Variants in VAMP8 observed in about 807,000 individuals in gnomAD.
The protein encoded by VAMP8 is vesicle associated membrane protein 8.
In VAMP8, 9 loss-of-function variants were observed where a neutral mutation model predicts 11.4. The ratio of observed to expected loss-of-function variants is 0.79; its 90% CI spans 0.48 to 1.38. The LOEUF (loss-of-function observed/expected upper bound fraction) is 1.38, where lower values mean the gene tolerates loss of function less well. Among genes scored for constraint, VAMP8 ranks in the 40% most tolerant of loss-of-function variants. The pLI is 0.00. For synonymous variants in VAMP8, 42 were observed against 44.7 expected, an observed-to-expected ratio of 0.94 and a Z score of 0.24; for missense variants, 108 against 127.8, an observed-to-expected ratio of 0.85 and a Z score of 0.75.
chr2:85,579,258 T>C (rs555353141), intron 2 of VAMP8, 91 bp downstream of exon 2: 1 of 1,399,076 alleles, frequency 7.1e-7, no homozygotes, highest in South Asian at 1.5e-5. Context: ...GGGCCAGAAG[T>C]TTGACATTTC....
At chr2:85,581,043 G>A (rs763636654) in intron 2 of VAMP8, among the ~76,000 whole-genome samples, 3 of 152,162 alleles carry the variant, frequency 2.0e-5, no homozygotes, top group East Asian at 3.9e-4. Flanking sequence ...TGAGCTGAAC[G>A]TGGTGGCATG....
chr2:85,581,467 A>C, intron 2 of VAMP8, 109 bp from the exon 3 acceptor site: 1 of 1,359,986 alleles, frequency 7.4e-7, no homozygotes, highest in Non-Finnish European at 9.8e-7. Context: ...GCGAGACTCC[A>C]TCTCAAAAAA....
At chr2:85,581,261 CCT>C (rs1672373260) in intron 2 of VAMP8, among the ~76,000 whole-genome samples, 1 of 150,420 alleles carries the variant, frequency 6.6e-6, no homozygotes, top group Non-Finnish European at 1.5e-5. Flanking sequence ...GAGTGGATCA[CCT>C]GAGGTCAGGA....
At chr2:85,580,949 G>A (rs973469423) in intron 2 of VAMP8, among the ~76,000 whole-genome samples, 16 of 151,918 alleles carry the variant, frequency 1.1e-4, no homozygotes, top group African/African-American at 2.9e-4. Flanking sequence ...GATTACAGGC[G>A]TGAACCACCG....
intron 2 of VAMP8, 54 bp downstream of exon 2, chr2:85,579,221 C>T (rs1352530198): frequency 2.0e-6 from 3 of 1,490,196 alleles, no homozygotes; most frequent in Non-Finnish European, 2.7e-6. Flanking sequence ...GAGGGAATTT[C>T]TTTTTGGTGG....
Position 85,581,916 on chromosome 2 carries a change from G to A in VAMP8, c.*200G>A. The A allele has an allele frequency of 1.5e-6, 1 of 673,356 alleles. No homozygotes were observed. The highest frequency in any genetic ancestry group is 2.5e-6 in the Non-Finnish European group (1 of 407,732). The allele number at this position is 673,356 out of a possible 1,614,324, so 41.7% of individuals were successfully genotyped here. ...CGGAAGGAGAGAAAAAAGAGAGATG[G>A]ACTGTGGCTGCATTTCTTGGGTCCT... On this transcript the variant is annotated 3_prime_UTR_variant, in exon 3 of 3. Transcript: ENST00000263864.
chr2:85,579,805 C>G (rs1424586327), intron 2 of VAMP8: 1 of 1,550,726 alleles, frequency 6.4e-7, no homozygotes, highest in Non-Finnish European at 8.7e-7. Context: ...AGTCTGGAGC[C>G]TCAAGTTCTG....
intron 2 of VAMP8, among the ~76,000 whole-genome samples, chr2:85,580,659 A>ATTTTTTTTTTTTTTTTTTT: frequency 9.6e-6 from 1 of 104,560 alleles, no homozygotes; most frequent in Non-Finnish European, 1.9e-5. Flanking sequence ...CAGATACAGC[A>ATTTTTTTTTTTTTTTTTTT]TTTTTTTTTT....
intron 1 of VAMP8, among the ~76,000 whole-genome samples, 166 bp from the exon 2 acceptor site, chr2:85,578,843 T>C (rs975802452): frequency 2.0e-5 from 3 of 152,216 alleles, no homozygotes; most frequent in African/African-American, 4.8e-5. Context: ...CAAATGCATT[T>C]ATTTTTGATT....
At chr2:85,581,450 T>C (rs1972297) in intron 2 of VAMP8, 126 bp from the exon 3 acceptor site, 501,271 of 1,205,628 alleles carry the variant, frequency 0.42, 105,655 homozygotes, top group African/African-American at 0.48. Flanking sequence ...ACTGCCTGAG[T>C]GACAGAGCGA....
intron 2 of VAMP8, among the ~76,000 whole-genome samples, chr2:85,579,551 G>T (rs938566895): frequency 5.3e-5 from 8 of 152,172 alleles, no homozygotes; most frequent in Non-Finnish European, 1.2e-4. Flanking sequence ...GGAAACCCCC[G>T]CTGTGGCCTC....
At chr2:85,579,673 C>T (rs1460061439) in intron 2 of VAMP8, 4 of 1,519,800 alleles carry the variant, frequency 2.6e-6, no homozygotes. Flanking sequence ...CCCAGGGTCC[C>T]CTGCTAGATG....
chr2:85,578,182 A>C (rs1364564431), intron 1 of VAMP8, among the ~76,000 whole-genome samples: 1 of 152,128 alleles, frequency 6.6e-6, no homozygotes, highest in Non-Finnish European at 1.5e-5. Context: ...TCTCTGTGAT[A>C]ATGTAGTTCT....
chr2:85,578,974 C>A, intron 1 of VAMP8, 35 bp from the exon 2 acceptor site: 1 of 1,582,922 alleles, frequency 6.3e-7, no homozygotes, highest in East Asian at 2.3e-5. Context: ...AGTTCCCCCA[C>A]CACTTGGTCT....
At chr2:85,577,765 C>G (rs1290759873) in intron 1 of VAMP8, 116 bp downstream of exon 1, 5 of 1,420,512 alleles carry the variant, frequency 3.5e-6, no homozygotes, top group Non-Finnish European at 3.9e-6. Flanking sequence ...GAGGGCTGGG[C>G]CAGTGCTGCT....
chr2:85,581,482 A>T, intron 2 of VAMP8, 94 bp from the exon 3 acceptor site: 1 of 1,508,874 alleles, frequency 6.6e-7, no homozygotes. Flanking sequence ...AAAAAAAAAA[A>T]AAAAGTATGG....
At chr2:85,578,962 C>T in intron 1 of VAMP8, 47 bp from the exon 2 acceptor site, 1 of 1,572,370 alleles carries the variant, frequency 6.4e-7, no homozygotes, top group Non-Finnish European at 8.6e-7. Context: ...GCCCAAGTCT[C>T]CAGTTCCCCC....
chr2:85,579,465 A>G (rs1672333585), intron 2 of VAMP8, among the ~76,000 whole-genome samples: 1 of 152,156 alleles, frequency 6.6e-6, no homozygotes, highest in Non-Finnish European at 1.5e-5. Flanking sequence ...CTCCCGGGAA[A>G]CTTGTTTTCC....
At position 85,581,700 on chromosome 2, in the gene VAMP8, C is replaced by T. The variant is rs1343271552; in HGVS notation, c.287C>T (p.Thr96Ile). 6.2e-7 allele frequency: 1 copy of T among 1,614,194 alleles called. No individual in the cohort carries two copies. Among genetic ancestry groups the T allele is most frequent in the South Asian group, 1.1e-5 (1 of 91,084 alleles). Reference protein sequence around the residue: ...IIILFIVLFATGAFS With the variant: ...IIILFIVLFAIGAFS ...ATCCTCTTCATTGTGCTCTTTGCCA[C>T]TGGTGCCTTCTCTTAAGTAACAGGG... The change falls in exon 3 of 3, where the codon ACT (threonine) becomes ATT (isoleucine). Residue 96 changes from threonine to isoleucine, a missense_variant. Transcript: ENST00000263864.
Sources: gnomAD v4.1 joint callset for allele counts (sites outside exome capture counted in the v4.1 genomes callset) on GRCh38, gnomAD v4.1.1 for gene constraint, MANE v1.5 for transcripts, NCBI Gene and HGNC (gene_info 2026-07-23, HGNC 2026-07-21) for gene names.